Variants in DLG1 observed in about 807,000 individuals in gnomAD.
The protein encoded by DLG1 is discs large MAGUK scaffold protein 1, also known as disks large homolog 1.
DLG1 carries 42 observed loss-of-function variants against 123.4 expected under a neutral mutation model. The ratio of observed to expected loss-of-function variants is 0.34; its 90% CI spans 0.27 to 0.44. The LOEUF (loss-of-function observed/expected upper bound fraction) is 0.44, where lower values mean the gene tolerates loss of function less well. DLG1 is among the 20% of genes least tolerant of loss of function. DLG1 has a pLI of 1.00. For missense variants in DLG1, 942 were observed against 1,082.6 expected (o/e 0.87, Z 1.82); for synonymous variants, 317 against 356.2 (o/e 0.89, Z 1.24).
rs76082153 is a variant in DLG1 at position 197,244,595 on chromosome 3, CT to C, written c.318+38083del. Among the ~76,000 whole-genome samples the C allele has an allele frequency of 4.5e-3, 636 of 142,610 alleles. 1 individual carries two copies. Among genetic ancestry groups the C allele is most frequent in the African/African-American group, 9.0e-3 (353 of 39,038 alleles). The allele number at this position is 142,610 out of a possible 152,430, so 93.6% of individuals were successfully genotyped here. A position where few individuals can be genotyped will look rare whatever the true frequency, so the allele number is the denominator to read the frequency against. On this transcript the variant is annotated intron_variant, in intron 4 of 24. Coordinates refer to ENST00000667157, the MANE Select transcript of DLG1 (RefSeq NM_001366207.1). The stretch of plus-strand genomic sequence containing the variant: ...AAAAAGGCACTATAAGAGGGTTAAG[CT>C]TTTTTTTTTTTATCTTTAGCTTGGT...
intron 22 of DLG1, among the ~76,000 whole-genome samples, chr3:197,064,382 G>A (rs113852988): frequency 0.04 from 6,139 of 152,042 alleles, 177 homozygotes; most frequent in Non-Finnish European, 0.054. Flanking sequence ...TAGTAGAGAC[G>A]GGGTTTCACC....
intron 4 of DLG1, among the ~76,000 whole-genome samples, chr3:197,276,398 T>C (rs1766450008): frequency 6.6e-6 from 1 of 152,230 alleles, no homozygotes; most frequent in African/African-American, 2.4e-5. Context: ...GTATTCTCCC[T>C]TACTAACTGT....
intron 2 of DLG1, chr3:197,296,963 CTAA>C (rs10575136): frequency 0.11 from 54,627 of 484,860 alleles, 3,638 homozygotes; most frequent in African/African-American, 0.27. Flanking sequence ...TGGGGGGGGG[CTAA>C]CTGCCTCTCT....
At chr3:197,156,359 G>A (rs1202736665) in intron 5 of DLG1, among the ~76,000 whole-genome samples, 1 of 152,032 alleles carries the variant, frequency 6.6e-6, no homozygotes, top group African/African-American at 2.4e-5. Context: ...ATTAATCAAA[G>A]ACCAAAGAAG....
intron 11 of DLG1, among the ~76,000 whole-genome samples, chr3:197,129,196 G>T (rs892638089): frequency 6.6e-6 from 1 of 152,216 alleles, no homozygotes; most frequent in Non-Finnish European, 1.5e-5. Context: ...TTGAAAAATT[G>T]TTGTTTGGTG....
At chr3:197,197,580 C>G (rs190228412) in intron 4 of DLG1, among the ~76,000 whole-genome samples, 2 of 152,194 alleles carry the variant, frequency 1.3e-5, no homozygotes, top group Non-Finnish European at 2.9e-5. Context: ...GGTTTCTATA[C>G]AGCATTCAAT....
chr3:197,161,701 G>A (rs375133714), intron 5 of DLG1: 2 of 1,578,862 alleles, frequency 1.3e-6, no homozygotes, highest in Non-Finnish European at 1.7e-6. Context: ...AGGGATCACA[G>A]GGACAGTGGG....
At chr3:197,236,819 C>T (rs774461160) in intron 4 of DLG1, among the ~76,000 whole-genome samples, 3 of 152,184 alleles carry the variant, frequency 2.0e-5, no homozygotes, top group Non-Finnish European at 4.4e-5. Context: ...TAGCTGTTAA[C>T]ATTTGCTGTT....
intron 15 of DLG1, among the ~76,000 whole-genome samples, chr3:197,088,272 GA>G (rs1755621278): frequency 6.6e-6 from 1 of 152,164 alleles, no homozygotes; most frequent in Non-Finnish European, 1.5e-5. Flanking sequence ...AGGATAGCTA[GA>G]AAAAAGGAAT....
At chr3:197,136,405 G>A in intron 10 of DLG1, 137 bp downstream of exon 10, 4 of 614,508 alleles carry the variant, frequency 6.5e-6, no homozygotes, top group Non-Finnish European at 1.1e-5. Context: ...CATTTTTTAG[G>A]ATTTGATACA....
chr3:197,147,442 A>G (rs1277242416), intron 6 of DLG1, among the ~76,000 whole-genome samples: 907 of 85,794 alleles, frequency 0.011, 7 homozygotes, highest in African/African-American at 0.028. Flanking sequence ...GCACACACAC[A>G]CACACACACA....
In DLG1 at chr3:197,261,578, G is replaced by C. The variant is rs186986185; in HGVS notation, c.318+21101C>G. On this transcript the variant is annotated intron_variant, in intron 4 of 24. Coordinates refer to ENST00000667157, the MANE Select transcript of DLG1 (RefSeq NM_001366207.1). Reference sequence around the variant, plus strand: ...TGAATGACCTCAAGTTCAAACAACTGAACTGTTCCTACTTGCCTCTTATAC... The same window carrying C: ...TGAATGACCTCAAGTTCAAACAACTCAACTGTTCCTACTTGCCTCTTATAC... Among the ~76,000 whole-genome samples the C allele has an allele frequency of 3.3e-5, 5 of 152,272 alleles. No individual in the cohort carries two copies. In the East Asian group the frequency reaches 5.8e-4, roughly 18 times the overall value.
chr3:197,290,152 A>G (rs553630734), intron 3 of DLG1, among the ~76,000 whole-genome samples: 3 of 152,310 alleles, frequency 2.0e-5, no homozygotes, highest in South Asian at 4.1e-4. Context: ...GTAATAAATG[A>G]TAAGTCATTG....
rs180684170 is a variant in DLG1, at chr3:197,219,191, T to C, written c.319-24602A>G. Among the ~76,000 whole-genome samples, 38 of 152,244 alleles carry C rather than the reference T, an allele frequency of 2.5e-4. No homozygotes were observed. In the East Asian group the frequency reaches 6.6e-3, roughly 26 times the overall value. ...CAGATTACCAAAACGTTCACTGTCC[T>C]CTTACCTATCCTCTATTCTCAAACA... On this transcript the variant is annotated intron_variant, in intron 4 of 24. Coordinates refer to ENST00000667157, the MANE Select transcript of DLG1 (RefSeq NM_001366207.1).
intron 5 of DLG1, among the ~76,000 whole-genome samples, chr3:197,163,408 T>C (rs549847927): frequency 6.6e-6 from 1 of 152,144 alleles, no homozygotes; most frequent in Non-Finnish European, 1.5e-5. Context: ...TGGACACTTG[T>C]ATGCCAATGT....
rs185146894 is a variant in DLG1, at chr3:197,224,901, C to A, written c.319-30312G>T. The stretch of plus-strand genomic sequence containing the variant: ...ACCTCAAAATAAGTAATTATTCCCC[C>A]AAATACTACGTTAGAGGGCTCTCTT... On this transcript the variant is annotated intron_variant, in intron 4 of 24. Coordinates refer to ENST00000667157, the MANE Select transcript of DLG1 (RefSeq NM_001366207.1). Among the ~76,000 whole-genome samples the A allele has an allele frequency of 1.1e-3, 170 of 152,308 alleles. 1 individual carries two copies. The highest frequency in any genetic ancestry group is 6.8e-3 in the Middle Eastern group (2 of 294).
At chr3:197,068,397 T>G in intron 19 of DLG1, 1 of 763,922 alleles carries the variant, frequency 1.3e-6, no homozygotes, top group Non-Finnish European at 2.1e-6. Flanking sequence ...AAAAAAATCA[T>G]TAAGTAACTA....
At chr3:197,271,546 C>T (rs1260639785) in intron 4 of DLG1, among the ~76,000 whole-genome samples, 1 of 152,120 alleles carries the variant, frequency 6.6e-6, no homozygotes, top group Non-Finnish European at 1.5e-5. Flanking sequence ...AAAACAGACA[C>T]CTAACAATCA....
chr3:197,079,312 G>C (rs1749374257), intron 17 of DLG1, among the ~76,000 whole-genome samples: 1 of 152,102 alleles, frequency 6.6e-6, no homozygotes, highest in South Asian at 2.1e-4. Flanking sequence ...ATGTTAATGA[G>C]AAACTAAAAT....
Sources: gnomAD v4.1 joint callset for allele counts (sites outside exome capture counted in the v4.1 genomes callset) on GRCh38, gnomAD v4.1.1 for gene constraint, MANE v1.5 for transcripts, NCBI Gene and HGNC (gene_info 2026-07-23, HGNC 2026-07-21) for gene names.